The following GFRA1 variants were observed in gnomAD, a reference collection of about 807,000 sequenced individuals.
GFRA1 encodes GDNF family receptor alpha 1.
A neutral mutation model predicts 51.6 loss-of-function variants in GFRA1; 16 were observed. That is an observed-to-expected ratio of 0.31 (90% CI 0.21 to 0.47). GFRA1 has a LOEUF of 0.47. GFRA1 is among the 20% of genes least tolerant of loss of function. The pLI is 1.00. For missense variants in GFRA1, 530 were observed against 594.3 expected (o/e 0.89, Z 1.13); for synonymous variants, 270 against 241.3 (o/e 1.12, Z -1.10).
chr10:116,158,202 A>C (rs1959355637), intron 5 of GFRA1, among the ~76,000 whole-genome samples: 1 of 152,226 alleles, frequency 6.6e-6, no homozygotes, highest in Admixed American at 6.5e-5. Flanking sequence ...TGGAAAGCAG[A>C]ATCATTATTC....
intron 6 of GFRA1, among the ~76,000 whole-genome samples, chr10:116,107,160 AATG>A (rs1270034438): frequency 5.3e-5 from 8 of 152,206 alleles, no homozygotes; most frequent in African/African-American, 1.9e-4. Context: ...ACTCAGGCTG[AATG>A]ATAATAAGTC....
At chr10:116,267,951 ACACACACAC>A (rs1969802994) in intron 4 of GFRA1, among the ~76,000 whole-genome samples, 2 of 151,158 alleles carry the variant, frequency 1.3e-5, no homozygotes, top group South Asian at 2.1e-4. Flanking sequence ...ACACACACAC[ACACACACAC>A]ACACACACAC....
chr10:116,262,998 A>G (rs1361227285), intron 4 of GFRA1, among the ~76,000 whole-genome samples: 2 of 152,156 alleles, frequency 1.3e-5, no homozygotes, highest in Non-Finnish European at 2.9e-5. Context: ...ACCACAGAGC[A>G]TAAGGACAGG....
intron 5 of GFRA1, among the ~76,000 whole-genome samples, chr10:116,192,267 A>G (rs749984559): frequency 1.5e-4 from 23 of 152,070 alleles, no homozygotes; most frequent in Non-Finnish European, 2.6e-4. Flanking sequence ...CTTCATTCCT[A>G]CCAAAGACTA....
chr10:116,119,354 C>T (rs568456862), intron 6 of GFRA1, among the ~76,000 whole-genome samples: 25 of 152,104 alleles, frequency 1.6e-4, no homozygotes, highest in Non-Finnish European at 2.8e-4. Context: ...ATATTAAAAA[C>T]GAGCCATTCA....
chr10:116,267,009 G>A (rs1175241362), intron 4 of GFRA1, among the ~76,000 whole-genome samples: 1 of 152,150 alleles, frequency 6.6e-6, no homozygotes, highest in African/African-American at 2.4e-5. Context: ...CCGGTGTAGT[G>A]GCACACCTGT....
At chr10:116,121,866 GAAC>G (rs759566291) in intron 6 of GFRA1, among the ~76,000 whole-genome samples, 10 of 152,172 alleles carry the variant, frequency 6.6e-5, no homozygotes, top group African/African-American at 2.4e-4. Context: ...ACTCTGGGTA[GAAC>G]AACAACGGCC....
At chr10:116,134,148 C>T (rs1000018147) in intron 5 of GFRA1, among the ~76,000 whole-genome samples, 4 of 152,164 alleles carry the variant, frequency 2.6e-5, no homozygotes, top group African/African-American at 4.8e-5. Flanking sequence ...ATATGATTTA[C>T]GAAGCAAAAA....
intron 6 of GFRA1, among the ~76,000 whole-genome samples, chr10:116,121,498 C>T (rs1957642132): frequency 6.6e-6 from 1 of 152,192 alleles, no homozygotes. Flanking sequence ...GCTAATGTTG[C>T]TTCCCATCTG....
At chr10:116,238,838 CTG>C (rs987612205) in intron 4 of GFRA1, among the ~76,000 whole-genome samples, 2 of 152,126 alleles carry the variant, frequency 1.3e-5, no homozygotes, top group Non-Finnish European at 2.9e-5. Context: ...CAAAAAAAAT[CTG>C]TAATTTTTGC....
intron 4 of GFRA1, among the ~76,000 whole-genome samples, chr10:116,253,614 G>A (rs936413030): frequency 3.4e-5 from 5 of 148,910 alleles, no homozygotes; most frequent in Non-Finnish European, 4.5e-5. Flanking sequence ...TCTCACAAGA[G>A]AAAAAAAAAA....
At chr10:116,112,902 G>A (rs1026239065) in intron 6 of GFRA1, among the ~76,000 whole-genome samples, 8 of 152,186 alleles carry the variant, frequency 5.3e-5, no homozygotes, top group African/African-American at 9.6e-5. Context: ...CAAGGCAGGC[G>A]CACACCCCAG....
chr10:116,139,099 CCAT>C (rs1446757356), intron 5 of GFRA1, among the ~76,000 whole-genome samples: 1 of 152,334 alleles, frequency 6.6e-6, no homozygotes, highest in African/African-American at 2.4e-5. Flanking sequence ...TGGCTCCTGT[CCAT>C]CGACTGTGGC....
intron 5 of GFRA1, among the ~76,000 whole-genome samples, chr10:116,148,417 C>T (rs1281956590): frequency 6.6e-6 from 1 of 152,074 alleles, no homozygotes; most frequent in Non-Finnish European, 1.5e-5. Flanking sequence ...CACTTCTGAC[C>T]CCTGTGATCA....
chr10:116,128,709 G>A (rs1300543025), intron 5 of GFRA1, among the ~76,000 whole-genome samples: 1 of 125,504 alleles, frequency 8.0e-6, no homozygotes, highest in African/African-American at 3.2e-5. Flanking sequence ...CTGGGGGACT[G>A]AGTGAGACTC....
Position 116,064,256 on chromosome 10 carries a change from GA to G in GFRA1, c.*141del, listed in dbSNP as rs144589291. ...GGATCACAAGAAGCTTTCTTAAAAG[GA>G]AAAAAAAAAAATGTTCCAGTTGAAT... On this transcript the variant is annotated 3_prime_UTR_variant, in exon 11 of 11. Transcript: ENST00000355422. 88,682 of 495,192 alleles carry G rather than the reference GA, an allele frequency of 0.18. 5 individuals carry two copies. Among genetic ancestry groups the G allele is most frequent in the South Asian group, 0.25 (8,030 of 32,032 alleles). 30.7% of individuals were successfully genotyped at this position (495,192 alleles called of 1,614,324 possible).
chr10:116,254,285 G>T (rs1307082551), intron 4 of GFRA1, among the ~76,000 whole-genome samples: 1 of 132,762 alleles, frequency 7.5e-6, no homozygotes, highest in African/African-American at 2.8e-5. Context: ...TCGTGCCACT[G>T]CATTCCAGCC....
At chr10:116,096,493 C>T (rs1213979341) in intron 7 of GFRA1, among the ~76,000 whole-genome samples, 162 bp downstream of exon 7, 11 of 149,718 alleles carry the variant, frequency 7.3e-5, no homozygotes, top group African/African-American at 2.0e-4. Flanking sequence ...TTTTTTTTTT[C>T]TTTTTTTTTA....
At chr10:116,122,175 G>GC (rs1331609488) in intron 6 of GFRA1, among the ~76,000 whole-genome samples, 1 of 152,084 alleles carries the variant, frequency 6.6e-6, no homozygotes, top group Admixed American at 6.5e-5. Flanking sequence ...ACTGGGTAGG[G>GC]CCCCAGGACA....
Sources: gnomAD v4.1 joint callset for allele counts (sites outside exome capture counted in the v4.1 genomes callset) on GRCh38, gnomAD v4.1.1 for gene constraint, MANE v1.5 for transcripts, NCBI Gene and HGNC (gene_info 2026-07-23, HGNC 2026-07-21) for gene names.